The following CLNS1A variants were observed in gnomAD, a reference collection of about 807,000 sequenced individuals.
CLNS1A encodes the protein methylosome subunit pICln.
A neutral mutation model predicts 29.4 loss-of-function variants in CLNS1A; 16 were observed. That is an observed-to-expected ratio of 0.54 (90% CI 0.37 to 0.83). CLNS1A has a LOEUF of 0.83. CLNS1A is among the 40% of genes least tolerant of loss of function. The pLI is 0.00. For synonymous variants in CLNS1A, 96 were observed against 104.8 expected, an observed-to-expected ratio of 0.92 and a Z score of 0.51; for missense variants, 235 against 287.4, an observed-to-expected ratio of 0.82 and a Z score of 1.32.
rs945462349 is a variant in CLNS1A, at chr11:77,615,483, A to T, written c.*1235T>A. 1 of 152,214 alleles carries T rather than the reference A, an allele frequency of 6.6e-6. No homozygotes were observed. The highest frequency in any genetic ancestry group is 1.5e-5 in the Non-Finnish European group (1 of 68,030). 9.4% of individuals were successfully genotyped at this position (152,214 alleles called of 1,614,324 possible). On this transcript the variant is annotated 3_prime_UTR_variant, in exon 7 of 7. Transcript: ENST00000525428. ...TCTATAACTCAGTTTCCTCAACTAT[A>T]AAGTGGGATAAAAGCGTATCTCATA...
intron 1 of CLNS1A, among the ~76,000 whole-genome samples, chr11:77,635,937 A>T (rs1342079600): frequency 6.6e-6 from 1 of 152,108 alleles, no homozygotes; most frequent in Non-Finnish European, 1.5e-5. Context: ...CCGTCGGCGT[A>T]TCCCTAGGGT....
intron 5 of CLNS1A, among the ~76,000 whole-genome samples, chr11:77,621,294 AACAC>A (rs71854653): frequency 0.18 from 26,937 of 148,926 alleles, 2,622 homozygotes; most frequent in African/African-American, 0.26. Flanking sequence ...CTCTGTCTCA[AACAC>A]ACACACACAC....
At chr11:77,618,191 T>A (rs1958923473) in intron 6 of CLNS1A, among the ~76,000 whole-genome samples, 1 of 152,198 alleles carries the variant, frequency 6.6e-6, no homozygotes, top group South Asian at 2.1e-4. Context: ...AAAAGAAATA[T>A]GTGAAAGCCC....
intron 1 of CLNS1A, among the ~76,000 whole-genome samples, chr11:77,632,488 G>C (rs931614020): frequency 6.6e-6 from 1 of 151,986 alleles, no homozygotes; most frequent in Non-Finnish European, 1.5e-5. Flanking sequence ...CTAGTGCAGA[G>C]AGAATACAAA....
At chr11:77,616,904 C>T (rs949264998) in intron 6 of CLNS1A, among the ~76,000 whole-genome samples, 4 of 152,228 alleles carry the variant, frequency 2.6e-5, no homozygotes, top group Admixed American at 1.3e-4. Context: ...AAGGTGTACA[C>T]AAGTATGTGG....
At chr11:77,632,284 T>C (rs1034999650) in intron 1 of CLNS1A, among the ~76,000 whole-genome samples, 15 of 152,182 alleles carry the variant, frequency 9.9e-5, no homozygotes, top group African/African-American at 3.1e-4. Context: ...TCTCAAAAAT[T>C]TTCTGGCGTT....
At chr11:77,630,643 T>C (rs541637653) in intron 1 of CLNS1A, among the ~76,000 whole-genome samples, 8 of 152,296 alleles carry the variant, frequency 5.3e-5, no homozygotes, top group African/African-American at 1.9e-4. Context: ...CAAATGCAAA[T>C]ATTTTATTGG....
intron 1 of CLNS1A, among the ~76,000 whole-genome samples, chr11:77,636,359 C>T (rs1289664597): frequency 6.6e-6 from 1 of 152,154 alleles, no homozygotes; most frequent in African/African-American, 2.4e-5. Flanking sequence ...TGAGCCACCG[C>T]GCCCGGCCCA....
chr11:77,615,156 C>T lies in CLNS1A; in HGVS notation c.*1562G>A, dbSNP rs1013517435. ...GAAAGTCACAATTATAAATTTGTTC[C>T]TTTTAAAAGGAACTCAAATGGAATT... On this transcript the variant is annotated 3_prime_UTR_variant, in exon 7 of 7. Transcript: ENST00000525428. 5 of 152,156 alleles carry T rather than the reference C, an allele frequency of 3.3e-5. No individual in the cohort carries two copies. The highest frequency in any genetic ancestry group is 7.3e-5 in the Non-Finnish European group (5 of 68,038). The allele number at this position is 152,156 out of a possible 1,614,324, so 9.4% of individuals were successfully genotyped here.
intron 1 of CLNS1A, among the ~76,000 whole-genome samples, chr11:77,634,484 G>C (rs917518798): frequency 2.6e-5 from 4 of 152,046 alleles, no homozygotes; most frequent in African/African-American, 9.7e-5. Flanking sequence ...CCAGCACTTT[G>C]GGAGGCCAAG....
chr11:77,626,948 G>C (rs1959026451), intron 2 of CLNS1A, among the ~76,000 whole-genome samples: 1 of 143,404 alleles, frequency 7.0e-6, no homozygotes, highest in Non-Finnish European at 1.5e-5. Flanking sequence ...GCCCGCCTCA[G>C]CCTCCCAAAG....
intron 4 of CLNS1A, among the ~76,000 whole-genome samples, chr11:77,623,686 A>G (rs1344089377): frequency 6.6e-6 from 1 of 152,120 alleles, no homozygotes; most frequent in Non-Finnish European, 1.5e-5. Flanking sequence ...ATATATTTGG[A>G]TATATTTAGG....
intron 4 of CLNS1A, among the ~76,000 whole-genome samples, 181 bp downstream of exon 4, chr11:77,624,782 G>A (rs1379475816): frequency 6.6e-6 from 1 of 152,074 alleles, no homozygotes; most frequent in Non-Finnish European, 1.5e-5. Context: ...CCACGCCATT[G>A]CACTCCAGCC....
chr11:77,625,014 C>T lies in CLNS1A; in HGVS notation c.421G>A (p.Asp141Asn), dbSNP rs747493269. 6.2e-6 allele frequency: 10 copies of T among 1,613,980 alleles called. No individual in the cohort carries two copies. The highest frequency in any genetic ancestry group is 1.3e-5 in the African/African-American group (1 of 74,934). ...CCATCGTAGTCATCTGAATCCTCAT[C>T]CTCAGGATCTGGATGCAAGGCCTGG... is the stretch of plus-strand genomic sequence containing the variant. ...ECQALHPDPE[D>N]EDSDDYDGEE... is the part of the protein sequence containing the mutation. The change falls in exon 4 of 7, where the codon GAT (aspartate) becomes AAT (asparagine). Residue 141 changes from aspartate to asparagine, a missense_variant. Physicochemically the swap from Asp to Asn is conservative, Grantham distance 23. Coordinates refer to ENST00000525428, the MANE Select transcript of CLNS1A (RefSeq NM_001293.3).
chr11:77,632,761 T>C (rs1356283619), intron 1 of CLNS1A, among the ~76,000 whole-genome samples: 1 of 152,118 alleles, frequency 6.6e-6, no homozygotes, highest in African/African-American at 2.4e-5. Context: ...ACTTATTTTT[T>C]CCAACAGCAT....
intron 4 of CLNS1A, among the ~76,000 whole-genome samples, chr11:77,623,587 G>A (rs1157890287): frequency 4.1e-5 from 6 of 145,572 alleles, no homozygotes; most frequent in African/African-American, 1.5e-4. Context: ...GTTAGACCCT[G>A]TTTAAAAAAA....
chr11:77,625,309 T>TAAGA, intron 3 of CLNS1A: 2 of 520,372 alleles, frequency 3.8e-6, no homozygotes, highest in Non-Finnish European at 6.8e-6. Context: ...AGGGTCAGAG[T>TAAGA]CCTGGTAAGA....
intron 2 of CLNS1A, among the ~76,000 whole-genome samples, chr11:77,628,720 T>C (rs544353338): frequency 2.4e-4 from 37 of 152,342 alleles, no homozygotes; most frequent in African/African-American, 7.7e-4. Context: ...CTTCATAGGA[T>C]TGTCTCTTAC....
intron 1 of CLNS1A, among the ~76,000 whole-genome samples, chr11:77,635,597 C>A (rs995429180): frequency 6.6e-6 from 1 of 151,928 alleles, no homozygotes; most frequent in Non-Finnish European, 1.5e-5. Context: ...GTGATCCACC[C>A]GCCTCAGCCT....
Sources: allele counts gnomAD v4.1 joint callset (sites outside exome capture counted in the v4.1 genomes callset), GRCh38; gene constraint gnomAD v4.1.1; transcripts MANE v1.5; gene names NCBI Gene and HGNC (gene_info 2026-07-23, HGNC 2026-07-21).